Variants in KLHDC1 observed in about 807,000 individuals in gnomAD.
KLHDC1 encodes kelch domain containing 1.
KLHDC1 carries 53 observed loss-of-function variants against 68.3 expected under a neutral mutation model. The observed-to-expected ratio is 0.78, with a 90% CI of 0.62 to 0.98. KLHDC1 has a LOEUF of 0.98. Ranked by LOEUF, KLHDC1 falls within the 50% of genes least tolerant of loss-of-function variation. The probability of loss-of-function intolerance (pLI) is 0.00; values close to 1 mark genes in which losing one functional copy is unlikely to be tolerated. For synonymous variants in KLHDC1, 148 were observed against 159.0 expected, an observed-to-expected ratio of 0.93 and a Z score of 0.52; for missense variants, 470 against 492.3, an observed-to-expected ratio of 0.95 and a Z score of 0.43.
intron 4 of KLHDC1, among the ~76,000 whole-genome samples, chr14:49,718,569 G>T (rs1329200505): frequency 1.3e-5 from 2 of 151,858 alleles, no homozygotes; most frequent in Non-Finnish European, 2.9e-5. Context: ...GTGTGAACCA[G>T]CATGCCTAGC....
In KLHDC1 at chr14:49,709,696, A is replaced by G. The variant is rs1258990306; in HGVS notation, c.168-13A>G. 3.4e-6 allele frequency: 5 copies of G among 1,462,066 alleles called. No homozygotes were observed. Among genetic ancestry groups the G allele is most frequent in the South Asian group, 1.2e-5 (1 of 80,918 alleles). 90.6% of individuals were successfully genotyped at this position (1,462,066 alleles called of 1,614,324 possible). A position where few individuals can be genotyped will look rare whatever the true frequency, so the allele number is the denominator to read the frequency against. On this transcript the variant is annotated splice_polypyrimidine_tract_variant and intron_variant, in intron 2 of 12. Coordinates refer to ENST00000359332, the MANE Select transcript of KLHDC1 (RefSeq NM_172193.3). ...CTGGAAAGTTATGGGATTCCATGTT[A>G]TTCTTGCTGCAGGAGAATGCACCTC... is the stretch of plus-strand genomic sequence containing the variant.
At chr14:49,747,016 A>G (rs1333652733) in intron 12 of KLHDC1, among the ~76,000 whole-genome samples, 3 of 145,460 alleles carry the variant, frequency 2.1e-5, no homozygotes, top group Admixed American at 1.4e-4. Context: ...ACGCGATCTC[A>G]GCTCACTGCA....
Position 49,753,135 on chromosome 14 carries a change from T to C in KLHDC1, c.*1363T>C, listed in dbSNP as rs1314055439. 6.6e-6 allele frequency: 1 copy of C among 152,188 alleles called. No individual in the cohort carries two copies. The highest frequency in any genetic ancestry group is 1.5e-5 in the Non-Finnish European group (1 of 68,028). 9.4% of individuals were successfully genotyped at this position (152,188 alleles called of 1,614,324 possible). A position where few individuals can be genotyped will look rare whatever the true frequency, so the allele number is the denominator to read the frequency against. ...TGTCAGTGTAAAGCAGTCATTAGAATTGATTATACAAAAAATATTTCATTG... is the reference window on the plus strand; with the variant it reads ...TGTCAGTGTAAAGCAGTCATTAGAACTGATTATACAAAAAATATTTCATTG... On this transcript the variant is annotated 3_prime_UTR_variant, in exon 13 of 13. Transcript: ENST00000359332.
chr14:49,717,560 TC>T (rs1888412466), intron 4 of KLHDC1, among the ~76,000 whole-genome samples: 1 of 152,246 alleles, frequency 6.6e-6, no homozygotes, highest in African/African-American at 2.4e-5. Context: ...GAGTCGTCTG[TC>T]TTTTTGATGT....
intron 12 of KLHDC1, among the ~76,000 whole-genome samples, chr14:49,747,141 G>A (rs1388597635): frequency 1.3e-5 from 2 of 151,924 alleles, no homozygotes; most frequent in Non-Finnish European, 2.9e-5. Context: ...AGAGACAGGG[G>A]TTTCACCATG....
At chr14:49,737,410 C>T (rs1477122035) in intron 10 of KLHDC1, among the ~76,000 whole-genome samples, 1 of 152,090 alleles carries the variant, frequency 6.6e-6, no homozygotes, top group Non-Finnish European at 1.5e-5. Context: ...CCACTGTTTG[C>T]ACTTGTGAAA....
chr14:49,695,149 T>TGTGTGTGTGTGTG (rs1555337472), intron 1 of KLHDC1, among the ~76,000 whole-genome samples: 7 of 151,244 alleles, frequency 4.6e-5, no homozygotes, highest in South Asian at 2.1e-4. Flanking sequence ...TGTGTGTGTG[T>TGTGTGTGTGTGTG]TTTGAGACAA....
intron 10 of KLHDC1, among the ~76,000 whole-genome samples, chr14:49,739,486 A>G (rs975173060): frequency 6.6e-6 from 1 of 152,190 alleles, no homozygotes; most frequent in Non-Finnish European, 1.5e-5. Flanking sequence ...GGAACATATT[A>G]TGGTGTTCTG....
chr14:49,715,216 T>C (rs1888339085), intron 4 of KLHDC1, among the ~76,000 whole-genome samples: 1 of 150,436 alleles, frequency 6.6e-6, no homozygotes, highest in Admixed American at 6.7e-5. Context: ...TCTGACTCCC[T>C]GGTTCAAGCT....
chr14:49,721,861 C>T (rs576275089), intron 4 of KLHDC1, among the ~76,000 whole-genome samples: 165 of 152,264 alleles, frequency 1.1e-3, no homozygotes, highest in African/African-American at 3.7e-3. Flanking sequence ...CCTGGAAGAC[C>T]TCTTTCAGCC....
chr14:49,709,573 C>T (rs750198235), intron 2 of KLHDC1, 136 bp from the exon 3 acceptor site: 14 of 463,374 alleles, frequency 3.0e-5, no homozygotes, highest in Non-Finnish European at 4.6e-5. Flanking sequence ...AGAGTTTTTA[C>T]ATTATTGGCC....
At chr14:49,746,950 C>CT (rs527399327) in intron 12 of KLHDC1, among the ~76,000 whole-genome samples, 2,363 of 139,084 alleles carry the variant, frequency 0.017, 34 homozygotes, top group African/African-American at 0.027. Context: ...AGCTTTCTCT[C>CT]TTTTTTTTTT....
At chr14:49,713,835 TATATATA>T (rs1314054272) in intron 4 of KLHDC1, among the ~76,000 whole-genome samples, 1,026 of 9,844 alleles carry the variant, frequency 0.1, 227 homozygotes, top group South Asian at 0.19. Flanking sequence ...TATATATATA[TATATATA>T]TATATATATT....
chr14:49,725,807 T>A, intron 6 of KLHDC1, 38 bp downstream of exon 6: 1 of 1,088,996 alleles, frequency 9.2e-7, no homozygotes, highest in Non-Finnish European at 1.3e-6. Context: ...ATATTTGTAT[T>A]TAAAAATAAA....
In KLHDC1 at chr14:49,753,127, CATT is replaced by C. The variant is rs1460236633; in HGVS notation, c.*1357_*1359del. On this transcript the variant is annotated 3_prime_UTR_variant, in exon 13 of 13. Coordinates refer to ENST00000359332, the MANE Select transcript of KLHDC1 (RefSeq NM_172193.3). Reference sequence around the variant, plus strand: ...TTCTTTTTTGTCAGTGTAAAGCAGTCATTAGAATTGATTATACAAAAAATATTT... The same window carrying C: ...TTCTTTTTTGTCAGTGTAAAGCAGTCAGAATTGATTATACAAAAAATATTT... The C allele has an allele frequency of 6.6e-6, 1 of 152,018 alleles. No individual in the cohort carries two copies. The highest frequency in any genetic ancestry group is 1.5e-5 in the Non-Finnish European group (1 of 68,002). 9.4% of individuals were successfully genotyped at this position (152,018 alleles called of 1,614,324 possible).
intron 4 of KLHDC1, among the ~76,000 whole-genome samples, chr14:49,719,296 TTA>T (rs1888466966): frequency 6.6e-6 from 1 of 152,222 alleles, no homozygotes; most frequent in East Asian, 1.9e-4. Context: ...GTAAGTTTTG[TTA>T]TGTTTTTATT....
chr14:49,732,823 T>C lies in KLHDC1; in HGVS notation c.823+7T>C, dbSNP rs749106090. On this transcript the variant is annotated splice_region_variant and intron_variant, in intron 9 of 12. Coordinates refer to ENST00000359332, the MANE Select transcript of KLHDC1 (RefSeq NM_172193.3). Reference sequence around the variant, plus strand: ...GCAGATAATATCCCATTAAGTAAGTTGATTAAGGTTTAGCCTATAATTATT... The same window carrying C: ...GCAGATAATATCCCATTAAGTAAGTCGATTAAGGTTTAGCCTATAATTATT... 3.9e-6 allele frequency: 5 copies of C among 1,270,294 alleles called. No homozygotes were observed. The Admixed American group carries it at 8.7e-5, about 22-fold the overall frequency. The allele number at this position is 1,270,294 out of a possible 1,614,324, so 78.7% of individuals were successfully genotyped here.
Position 49,717,286 on chromosome 14 carries a change from A to G in KLHDC1, c.405-6588A>G, listed in dbSNP as rs552673697. 7.9e-4 allele frequency among the ~76,000 whole-genome samples: 121 copies of G among 152,322 alleles called. 2 individuals carry two copies. The highest frequency in any genetic ancestry group is 2.1e-3 in the Admixed American group (32 of 15,290). On this transcript the variant is annotated intron_variant, in intron 4 of 12. Transcript: ENST00000359332. The stretch of plus-strand genomic sequence containing the variant: ...ATGTTTAAGTTTTTGAGGAACCACC[A>G]ACTATTTTCCATAGTGACTATACCA...
intron 8 of KLHDC1, among the ~76,000 whole-genome samples, chr14:49,731,265 C>T (rs1888801148): frequency 6.6e-6 from 1 of 151,924 alleles, no homozygotes; most frequent in Non-Finnish European, 1.5e-5. Context: ...GGGAAACGAG[C>T]AAAACGCCGC....
Sources: allele counts gnomAD v4.1 joint callset (sites outside exome capture counted in the v4.1 genomes callset), GRCh38; gene constraint gnomAD v4.1.1; transcripts MANE v1.5; gene names NCBI Gene and HGNC (gene_info 2026-07-23, HGNC 2026-07-21).